CAVIN4: variants seen among roughly 807,000 people sequenced by gnomAD.
CAVIN4 encodes the protein caveolae-associated protein 4.
In CAVIN4, 10 loss-of-function variants were observed where a neutral mutation model predicts 18.6. That is an observed-to-expected ratio of 0.54 (90% confidence interval 0.33 to 0.91). The LOEUF (loss-of-function observed/expected upper bound fraction) is 0.91, where lower values mean the gene tolerates loss of function less well. Among genes scored for constraint, CAVIN4 ranks in the 40% least tolerant of loss-of-function variants. The pLI is 0.02. For synonymous variants in CAVIN4, 173 were observed against 164.8 expected (o/e 1.05, Z -0.38); for missense variants, 459 against 440.5 (o/e 1.04, Z -0.38).
rs781278902 is a variant in CAVIN4, at chr9:100,578,231, G to A, written c.88G>A (p.Ala30Thr). 2 of 1,613,966 alleles carry A rather than the reference G, an allele frequency of 1.2e-6. No homozygotes were observed. The highest frequency in any genetic ancestry group is 3.3e-5 in the Admixed American group (2 of 60,000). Reference sequence around the variant, plus strand: ...TACAGAAGATGAAGACCAAGACGCTGCTCTTACCATTGTGACTGTGCTGGA... The same window carrying A: ...TACAGAAGATGAAGACCAAGACGCTACTCTTACCATTGTGACTGTGCTGGA... ...SVTEDEDQDA[A>T]LTIVTVLDKV... The change falls in exon 1 of 2, where the codon GCT becomes ACT. Residue 30 changes from alanine to threonine, a missense_variant. By Grantham distance (58) the Ala-to-Thr change is moderately conservative. Transcript: ENST00000307584.
rs1176002440 is a variant in CAVIN4 at position 100,578,478 on chromosome 9, T to A, written c.335T>A (p.Ile112Asn). The A allele has an allele frequency of 6.2e-7, 1 of 1,613,950 alleles. No individual in the cohort carries two copies. The highest frequency in any genetic ancestry group is 1.1e-5 in the South Asian group (1 of 91,086). The change falls in exon 1 of 2, where the codon ATT becomes AAT. Residue 112 changes from isoleucine to asparagine, a missense_variant. Transcript: ENST00000307584. ...DVKARVEKQQ[I>N]HVKKVEVKQE... ...AAAGCCCGGGTGGAGAAGCAACAAA[T>A]TCATGTTAAAAAAGTTGAAGTCAAG...
rs964952080 is a variant in CAVIN4, at chr9:100,587,050, A to G, written c.*599A>G. The G allele has an allele frequency of 6.6e-6, 1 of 152,238 alleles. No individual in the cohort carries two copies. Among genetic ancestry groups the G allele is most frequent in the African/African-American group, 2.4e-5 (1 of 41,402 alleles). The allele number at this position is 152,238 out of a possible 1,614,324, so 9.4% of individuals were successfully genotyped here. A position where few individuals can be genotyped will look rare whatever the true frequency, so the allele number is the denominator to read the frequency against. Reference sequence around the variant, plus strand: ...AAGGAAATGGTACACATTCTGGGGGAACAAGAAGCACACCCAGAGAAAACA... The same window carrying G: ...AAGGAAATGGTACACATTCTGGGGGGACAAGAAGCACACCCAGAGAAAACA... On this transcript the variant is annotated 3_prime_UTR_variant, in exon 2 of 2. Transcript: ENST00000307584.
At position 100,585,773 on chromosome 9, in the gene CAVIN4, T is replaced by C. The variant is rs1367366352; in HGVS notation, c.417T>C (p.Phe139=). The C allele has an allele frequency of 1.2e-5, 19 of 1,613,898 alleles. No individual in the cohort carries two copies. The highest frequency in any genetic ancestry group is 1.6e-5 in the Non-Finnish European group (19 of 1,179,952). The change falls in exon 2 of 2, where the codon TTT becomes TTC. Residue 139 remains phenylalanine, a synonymous_variant. Transcript: ENST00000307584. ...TTTTTTCTCTCCTTCAGGAGAAGTT[T>C]CGGTGTCCGACATCCCTGTCTGTTG... ...KFRVVIFQEK[F]RCPTSLSVVK... is the part of the protein sequence containing the mutation.
chr9:100,585,040 C>T (rs1344589693), intron 1 of CAVIN4, among the ~76,000 whole-genome samples: 1 of 152,138 alleles, frequency 6.6e-6, no homozygotes, highest in Non-Finnish European at 1.5e-5. Flanking sequence ...TTGGTGAGCT[C>T]TCCAAAGTTT....
intron 1 of CAVIN4, among the ~76,000 whole-genome samples, chr9:100,579,742 GA>G (rs950075045): frequency 5.9e-5 from 9 of 152,140 alleles, no homozygotes; most frequent in Admixed American, 2.6e-4. Context: ...ATGTACATAG[GA>G]AAAAAACTAG....
upstream of CAVIN4, chr9:100,577,035 G>C (rs1839364657): frequency 6.5e-6 from 1 of 154,064 alleles, no homozygotes; most frequent in South Asian, 2.0e-4. Context: ...AAATGTTTTT[G>C]AGATTTAGTA....
rs1271211644 is a variant in CAVIN4, at chr9:100,586,261, C to T, written c.905C>T (p.Ser302Phe). The T allele has an allele frequency of 6.3e-7, 1 of 1,588,950 alleles. No homozygotes were observed. Among genetic ancestry groups the T allele is most frequent in the East Asian group, 2.2e-5 (1 of 44,576 alleles). ...MGVDIIARSESLGPISELYSD... is the reference protein window; with the variant it reads ...MGVDIIARSEFLGPISELYSD... ...GTGGACATCATTGCCAGGAGCGAGT[C>T]TCTGGGCCCCATCAGTGAGCTCTAC... is the stretch of plus-strand genomic sequence containing the variant. Residue 302 changes from serine to phenylalanine, a missense_variant, in exon 2 of 2, where the codon TCT (serine) becomes TTT (phenylalanine). By Grantham distance (155) the Ser-to-Phe change is radical. Transcript: ENST00000307584.
At chr9:100,582,187 G>A (rs1037945834) in intron 1 of CAVIN4, among the ~76,000 whole-genome samples, 2 of 152,110 alleles carry the variant, frequency 1.3e-5, no homozygotes, top group Non-Finnish European at 1.5e-5. Flanking sequence ...TTCAACTTTT[G>A]TCTGTTTAGT....
chr9:100,586,422 C>G lies in CAVIN4; in HGVS notation c.1066C>G (p.Leu356Val). 6.2e-7 allele frequency: 1 copy of G among 1,613,794 alleles called. No individual in the cohort carries two copies. Among genetic ancestry groups the G allele is most frequent in the Non-Finnish European group, 8.5e-7 (1 of 1,179,986 alleles). Reference sequence around the variant, plus strand: ...GGTGAAAGTAGAGGATGATGAATCTCTTTTGTTAGATTTAAAGCACTCATC... The same window carrying G: ...GGTGAAAGTAGAGGATGATGAATCTGTTTTGTTAGATTTAAAGCACTCATC... The part of the protein sequence containing the change: ...SQVKVEDDES[L>V]LLDLKHSS Residue 356 changes from leucine to valine, a missense_variant, in exon 2 of 2, where the codon CTT (leucine) becomes GTT (valine). Transcript: ENST00000307584.
intron 1 of CAVIN4, among the ~76,000 whole-genome samples, chr9:100,583,441 C>G (rs116376330): frequency 1.3e-5 from 2 of 152,146 alleles, no homozygotes; most frequent in Non-Finnish European, 2.9e-5. Context: ...AAAGCAGCTC[C>G]GAATCAGACT....
chr9:100,586,228 A>C lies in CAVIN4; in HGVS notation c.872A>C (p.Glu291Ala), dbSNP rs1839477234. The C allele has an allele frequency of 6.4e-7, 1 of 1,566,130 alleles. No homozygotes were observed. The highest frequency in any genetic ancestry group is 1.9e-5 in the Admixed American group (1 of 53,360). Reference sequence around the variant, plus strand: ...GCTGAAGGTGAGGAATGTGCCAGGGAGATGGGTGTGGACATCATTGCCAGG... The same window carrying C: ...GCTGAAGGTGAGGAATGTGCCAGGGCGATGGGTGTGGACATCATTGCCAGG... ...TVAEGEECAREMGVDIIARSE... is the reference protein window; with the variant it reads ...TVAEGEECARAMGVDIIARSE... The change falls in exon 2 of 2, where the codon GAG becomes GCG. Residue 291 changes from glutamate to alanine, a missense_variant. Physicochemically the swap from Glu to Ala is moderately radical, Grantham distance 107 (BLOSUM62 -1). Transcript: ENST00000307584.
chr9:100,583,636 CATTCATTCATTCATTCAT>C (rs1201401861), intron 1 of CAVIN4, among the ~76,000 whole-genome samples: 5 of 60,012 alleles, frequency 8.3e-5, no homozygotes, highest in Non-Finnish European at 1.7e-4. Flanking sequence ...TTCATTCATT[CATTCATTCATTCATTCAT>C]TCATTTTTTT....
intron 1 of CAVIN4, among the ~76,000 whole-genome samples, chr9:100,580,698 T>TG (rs2118604069): frequency 6.6e-6 from 1 of 152,360 alleles, no homozygotes; most frequent in South Asian, 2.1e-4. Context: ...TTAAAGCAAC[T>TG]GAAGGGTGCT....
At chr9:100,581,538 T>G (rs139518515) in intron 1 of CAVIN4, among the ~76,000 whole-genome samples, 8 of 152,378 alleles carry the variant, frequency 5.3e-5, no homozygotes, top group Non-Finnish European at 1.0e-4. Context: ...TCTTCAGTTA[T>G]TATAACAGTC....
In CAVIN4 at chr9:100,588,291, A is replaced by G. The variant is rs951045781; in HGVS notation, c.*1840A>G. 6.6e-6 allele frequency among the ~76,000 whole-genome samples: 1 copy of G among 152,220 alleles called. No individual in the cohort carries two copies. The highest frequency in any genetic ancestry group is 1.5e-5 in the Non-Finnish European group (1 of 68,026). ...ATACAACATTGGATAACACTTTCAA[A>G]TGAATAATTTTAAAATGTTTTTATG... On this transcript the variant is annotated 3_prime_UTR_variant, in exon 2 of 2. Coordinates refer to ENST00000307584, the MANE Select transcript of CAVIN4 (RefSeq NM_001018116.2).
intron 1 of CAVIN4, 37 bp downstream of exon 1, chr9:100,578,588 T>C (rs1449448177): frequency 3.1e-6 from 5 of 1,605,088 alleles, no homozygotes; most frequent in African/African-American, 1.3e-5. Context: ...CTTGTTCTAA[T>C]CTCTTGCATC....
In CAVIN4 at chr9:100,586,072, A is replaced by G. The variant is rs1462245543; in HGVS notation, c.716A>G (p.Glu239Gly). Residue 239 changes from glutamate (E) to glycine (G), a missense_variant, in exon 2 of 2, where the codon GAG becomes GGG. By Grantham distance (98) the Glu-to-Gly change is moderately conservative. Coordinates refer to ENST00000307584, the MANE Select transcript of CAVIN4 (RefSeq NM_001018116.2). ...ERRERLRQSG[E>G]RLRQSGERLR... ...AGAGAGAGGCTAAGGCAGTCAGGAG[A>G]GAGGCTGAGACAGTCAGGGGAGAGG... 3.1e-6 allele frequency: 5 copies of G among 1,612,310 alleles called. No individual in the cohort carries two copies. The highest frequency in any genetic ancestry group is 1.1e-5 in the South Asian group (1 of 90,986).
At position 100,584,649 on chromosome 9, in the gene CAVIN4, T is replaced by C. The variant is rs550756539; in HGVS notation, c.409-1116T>C. Among the ~76,000 whole-genome samples, 9 of 152,296 alleles carry C rather than the reference T, an allele frequency of 5.9e-5. No individual in the cohort carries two copies. The South Asian group carries it at 1.9e-3, about 32-fold the overall frequency. ...AGATAGAGTTAGCCACTTGAGGAAG[T>C]TGGGGACACTTGAATTGATTATTGA... is the stretch of plus-strand genomic sequence containing the variant. On this transcript the variant is annotated intron_variant, in intron 1 of 1. Coordinates refer to ENST00000307584, the MANE Select transcript of CAVIN4 (RefSeq NM_001018116.2).
rs190889727 is a variant in CAVIN4, at chr9:100,586,468, T to A, written c.*17T>A. On this transcript the variant is annotated 3_prime_UTR_variant, in exon 2 of 2. Coordinates refer to ENST00000307584, the MANE Select transcript of CAVIN4 (RefSeq NM_001018116.2). ...TCATCGTAAAGAGGAATTAAGTATA[T>A]CCTAAATATGAATCTCCTAATCATG... 3.0e-4 allele frequency: 479 copies of A among 1,598,024 alleles called. 4 individuals carry two copies. In the East Asian group the frequency reaches 0.01, roughly 34 times the overall value.
Sources: gnomAD v4.1 joint callset for allele counts (sites outside exome capture counted in the v4.1 genomes callset) on GRCh38, gnomAD v4.1.1 for gene constraint, MANE v1.5 for transcripts, NCBI Gene and HGNC (gene_info 2026-07-23, HGNC 2026-07-21) for gene names.